The following DNMT3A variants were observed in gnomAD, a reference collection of about 807,000 sequenced individuals.
DNMT3A encodes DNA methyltransferase 3 alpha, also known as DNA (cytosine-5)-methyltransferase 3A.
DNMT3A carries 267 observed loss-of-function variants against 117.6 expected under a neutral mutation model. The observed-to-expected ratio is 2.27, with a 90% CI of 2.05 to 2.51. The LOEUF (loss-of-function observed/expected upper bound fraction) is 2.51, where lower values mean the gene tolerates loss of function less well. Among genes scored for constraint, DNMT3A ranks in the 30% most tolerant of loss-of-function variants. The probability of loss-of-function intolerance (pLI) is 0.00; values close to 1 mark genes in which losing one functional copy is unlikely to be tolerated. For missense variants in DNMT3A, 1,029 were observed against 1,260.2 expected (o/e 0.82, Z 2.78); for synonymous variants, 432 against 474.8 (o/e 0.91, Z 1.17).
rs2033737709 is a variant in DNMT3A at position 25,305,501 on chromosome 2, T to C, written c.73-5258A>G. On this transcript the variant is annotated intron_variant, in intron 2 of 22. Coordinates refer to ENST00000321117, the MANE Select transcript of DNMT3A (RefSeq NM_022552.5). The surrounding 1 kb of genome is among the most constrained non-coding windows in gnomAD (Gnocchi z 4.1). ...AGCATCTTCACATATGTTATTTCATTGTATTCTTACACTTTACAGAAAGCA... is the reference window on the plus strand; with the variant it reads ...AGCATCTTCACATATGTTATTTCATCGTATTCTTACACTTTACAGAAAGCA... 6.6e-6 allele frequency among the ~76,000 whole-genome samples: 1 copy of C among 152,260 alleles called. No homozygotes were observed. The highest frequency in any genetic ancestry group is 2.4e-5 in the African/African-American group (1 of 41,472).
intron 6 of DNMT3A, among the ~76,000 whole-genome samples, chr2:25,263,771 C>T (rs1373078029): frequency 6.6e-6 from 1 of 152,206 alleles, no homozygotes; most frequent in Non-Finnish European, 1.5e-5. Context: ...GACCACCTCC[C>T]TTAGGACCCC....
rs1672875535 is a variant in DNMT3A, at chr2:25,231,248, C to CCCTGT, written c.*3030_*3031insACAGG. ...GGACTCCAGGCCCGAAGGACAGAGC[C>CCCTGT]CCGCGGGAGCAAGGAGGAGCTGGGT... On this transcript the variant is annotated 3_prime_UTR_variant, in exon 23 of 23. Coordinates refer to ENST00000321117, the MANE Select transcript of DNMT3A (RefSeq NM_022552.5). 1 of 152,314 alleles carries CCCTGT rather than the reference C, an allele frequency of 6.6e-6. No homozygotes were observed. Among genetic ancestry groups the CCCTGT allele is most frequent in the Non-Finnish European group, 1.5e-5 (1 of 68,140 alleles). The allele number at this position is 152,314 out of a possible 1,614,324, so 9.4% of individuals were successfully genotyped here.
chr2:25,293,653 CTATT>C lies in DNMT3A; in HGVS notation c.177+6482_177+6485del, dbSNP rs1156602224. On this transcript the variant is annotated intron_variant, in intron 3 of 22. Coordinates refer to ENST00000321117, the MANE Select transcript of DNMT3A (RefSeq NM_022552.5). The surrounding 1 kb of genome is among the most constrained non-coding windows in gnomAD (Gnocchi z 4.7). ...ACAGGTGTACCACCATACCCAGCTA[CTATT>C]TATTATATATATATATAAAAATTTA... Among the ~76,000 whole-genome samples, 1 of 151,706 alleles carries C rather than the reference CTATT, an allele frequency of 6.6e-6. No homozygotes were observed. The highest frequency in any genetic ancestry group is 1.5e-5 in the Non-Finnish European group (1 of 67,968).
chr2:25,267,316 G>A (rs573550516), intron 6 of DNMT3A, among the ~76,000 whole-genome samples: 3 of 152,352 alleles, frequency 2.0e-5, no homozygotes, highest in South Asian at 2.1e-4. Flanking sequence ...GCTCATGCCT[G>A]TAATCCCAGT....
intron 6 of DNMT3A, chr2:25,249,554 C>A: frequency 7.7e-7 from 1 of 1,304,272 alleles, no homozygotes. Flanking sequence ...CAGTTATTTA[C>A]TGAGCAGGCA....
In DNMT3A at chr2:25,257,333, G is replaced by A. The variant is rs1002087558; in HGVS notation, c.640-9081C>T. Among the ~76,000 whole-genome samples the A allele has an allele frequency of 2.0e-5, 3 of 152,232 alleles. No homozygotes were observed. The highest frequency in any genetic ancestry group is 7.2e-5 in the African/African-American group (3 of 41,470). On this transcript the variant is annotated intron_variant, in intron 6 of 22. Coordinates refer to ENST00000321117, the MANE Select transcript of DNMT3A (RefSeq NM_022552.5). This position sits in a 1 kb window ranked among gnomAD's most constrained non-coding sequence, Gnocchi z 4.8. ...TGGCAGCTCCTGGCTGATGCTCTAA[G>A]TGGGGCAGACATTCCCCCTGTCCCT...
At chr2:25,246,579 T>C (rs746972265) in intron 10 of DNMT3A, 41 bp downstream of exon 10, 1 of 1,591,608 alleles carries the variant, frequency 6.3e-7, no homozygotes, top group Non-Finnish European at 8.6e-7. Context: ...TGGATCTGCC[T>C]GGCGGGCAGG....
chr2:25,242,598 G>A (rs1297943079), intron 16 of DNMT3A, among the ~76,000 whole-genome samples: 1 of 152,190 alleles, frequency 6.6e-6, no homozygotes, highest in African/African-American at 2.4e-5. Flanking sequence ...ACAAACATCT[G>A]GCCGGGGAAG....
chr2:25,263,810 C>G (rs541174517), intron 6 of DNMT3A, among the ~76,000 whole-genome samples: 2 of 152,208 alleles, frequency 1.3e-5, no homozygotes, highest in African/African-American at 4.8e-5. Flanking sequence ...ACTGTCCCTG[C>G]CAAGCAGTCC....
chr2:25,289,193 C>G (rs1318170317), intron 3 of DNMT3A, among the ~76,000 whole-genome samples: 2 of 151,982 alleles, frequency 1.3e-5, no homozygotes, highest in Non-Finnish European at 2.9e-5. Flanking sequence ...ACCTCCACCT[C>G]CCGGATTCAA....
intron 21 of DNMT3A, 105 bp from the exon 22 acceptor site, chr2:25,235,930 C>A: frequency 9.5e-7 from 1 of 1,050,486 alleles, no homozygotes. Flanking sequence ...CCTGACAGGG[C>A]CTGGTCCACC....
chr2:25,246,874 G>A (rs1019781485), intron 9 of DNMT3A, 98 bp from the exon 10 acceptor site: 39 of 1,551,454 alleles, frequency 2.5e-5, no homozygotes, highest in Admixed American at 1.6e-4. Flanking sequence ...GGTGGCACAG[G>A]CAAGATGGGG....
Position 25,274,968 on chromosome 2 carries a change from G to A in DNMT3A, c.612C>T (p.Asp204=), listed in dbSNP as rs746284167. 4.3e-6 allele frequency: 7 copies of A among 1,613,124 alleles called. No homozygotes were observed. Among genetic ancestry groups the A allele is most frequent in the East Asian group, 2.2e-5 (1 of 44,862 alleles). Residue 204 remains aspartate, a synonymous_variant, in exon 6 of 23, where the codon GAC becomes GAT. Transcript: ENST00000321117. ...DPYYISKRKR[D]EWLARWKREA... ...CCCTTTTCCAGCGTGCCAGCCACTC[G>A]TCCCGCTTGCGCTTGCTGATGTAGT...
rs1230481995 is a variant in DNMT3A, at chr2:25,229,829, T to C, written c.*4450A>G. On this transcript the variant is annotated 3_prime_UTR_variant, in exon 23 of 23. Transcript: ENST00000321117. ...ACTATGAAATGAATGACTGCAGTTT[T>C]CCTATAAGAACATCTCCCAGATGGC... 6.6e-6 allele frequency: 1 copy of C among 152,230 alleles called. No individual in the cohort carries two copies. The highest frequency in any genetic ancestry group is 2.4e-5 in the African/African-American group (1 of 41,462). The allele number at this position is 152,230 out of a possible 1,614,324, so 9.4% of individuals were successfully genotyped here.
chr2:25,312,521 A>C (rs1465079498), intron 2 of DNMT3A, among the ~76,000 whole-genome samples: 1 of 152,156 alleles, frequency 6.6e-6, no homozygotes, highest in Non-Finnish European at 1.5e-5. Flanking sequence ...GGATGTGTAC[A>C]TGTGTCCCTA....
In DNMT3A at chr2:25,341,890, C is replaced by G. The variant is rs1235879667; in HGVS notation, c.-242G>C. Reference sequence around the variant, plus strand: ...CTGGTGCCGCGGCGCCGCGTCCCGGCTCGTCCTCTGCTCTCGCCGCCGCCG... The same window carrying G: ...CTGGTGCCGCGGCGCCGCGTCCCGGGTCGTCCTCTGCTCTCGCCGCCGCCG... On this transcript the variant is annotated 5_prime_UTR_variant, in exon 1 of 23. Coordinates refer to ENST00000321117, the MANE Select transcript of DNMT3A (RefSeq NM_022552.5). 3 of 980,456 alleles carry G rather than the reference C, an allele frequency of 3.1e-6. No homozygotes were observed. Among genetic ancestry groups the G allele is most frequent in the Non-Finnish European group, 3.6e-6 (3 of 827,876 alleles). The allele number at this position is 980,456 out of a possible 1,614,324, so 60.7% of individuals were successfully genotyped here.
At chr2:25,290,021 G>A (rs1229841167) in intron 3 of DNMT3A, among the ~76,000 whole-genome samples, 1 of 152,192 alleles carries the variant, frequency 6.6e-6, no homozygotes. Flanking sequence ...AGGTTGGAGT[G>A]CGGTGGCACG....
chr2:25,252,152 T>C lies in DNMT3A; in HGVS notation c.640-3900A>G. ...AGATCCTCCCACCGGCCCTGCCGCC[T>C]CCCCGCCCCCGGTCTCCCCGGGGCT... On this transcript the variant is annotated intron_variant, in intron 6 of 22. Coordinates refer to ENST00000321117, the MANE Select transcript of DNMT3A (RefSeq NM_022552.5). The surrounding 1 kb of genome is among the most constrained non-coding windows in gnomAD (Gnocchi z 5.5). The C allele has an allele frequency of 6.5e-7, 1 of 1,549,696 alleles. No individual in the cohort carries two copies. Among genetic ancestry groups the C allele is most frequent in the South Asian group, 1.2e-5 (1 of 83,466 alleles).
intron 1 of DNMT3A, among the ~76,000 whole-genome samples, chr2:25,332,640 G>A (rs1025836955): frequency 7.9e-5 from 12 of 152,212 alleles, no homozygotes; most frequent in Admixed American, 7.2e-4. Flanking sequence ...TCGCCATGCC[G>A]TGCCCTGGCT....
Sources: gnomAD v4.1 joint callset for allele counts (sites outside exome capture counted in the v4.1 genomes callset) on GRCh38, gnomAD v4.1.1 for gene constraint, Gnocchi (gnomAD v3.1) non-coding constraint, MANE v1.5 for transcripts, NCBI Gene and HGNC (gene_info 2026-07-23, HGNC 2026-07-21) for gene names.